Variants in KICS2 observed in about 807,000 individuals in gnomAD.
KICS2 encodes KICSTOR complex protein C12orf66.
A neutral mutation model predicts 31.4 loss-of-function variants in KICS2; 13 were observed. The observed-to-expected ratio is 0.41, with a 90% confidence interval of 0.27 to 0.66. The LOEUF is 0.66. Among genes scored for constraint, KICS2 ranks in the 30% least tolerant of loss-of-function variants. The probability of loss-of-function intolerance (pLI) is 0.28; values close to 1 mark genes in which losing one functional copy is unlikely to be tolerated. For missense variants in KICS2, 455 were observed against 545.4 expected (o/e 0.83, Z 1.65); for synonymous variants, 209 against 214.8 (o/e 0.97, Z 0.24).
Position 64,193,516 on chromosome 12 carries a change from A to G in KICS2, c.*326T>C. 9.3e-7 allele frequency: 1 copy of G among 1,071,042 alleles called. No homozygotes were observed. Among genetic ancestry groups the G allele is most frequent in the Non-Finnish European group, 1.1e-6 (1 of 885,038 alleles). 66.3% of individuals were successfully genotyped at this position (1,071,042 alleles called of 1,614,324 possible). A position where few individuals can be genotyped will look rare whatever the true frequency, so the allele number is the denominator to read the frequency against. ...ATTGCAGTAGAACACAATGTTTAGA[A>G]CAACAGAAAAACATATGGGAAAAAA... On this transcript the variant is annotated 3_prime_UTR_variant, in exon 3 of 3. Coordinates refer to ENST00000398055, the MANE Select transcript of KICS2 (RefSeq NM_152440.5).
downstream of KICS2, among the ~76,000 whole-genome samples, chr12:64,190,162 AAGAG>A (rs1159640937): frequency 7.2e-5 from 11 of 152,194 alleles, no homozygotes; most frequent in Non-Finnish European, 2.9e-5. Context: ...CACAGAATTG[AAGAG>A]AAAGAAAAGA....
downstream of KICS2, among the ~76,000 whole-genome samples, chr12:64,189,636 T>C (rs745465324): frequency 6.6e-6 from 1 of 151,872 alleles, no homozygotes; most frequent in Non-Finnish European, 1.5e-5. Context: ...AATACAAAGA[T>C]ATAAATAAGT....
chr12:64,204,981 C>T (rs182792791), intron 2 of KICS2: 1 of 152,256 alleles, frequency 6.6e-6, no homozygotes, highest in Non-Finnish European at 1.5e-5. Context: ...TGTAAGAAAG[C>T]CTCCTACCAC....
chr12:64,209,600 G>C (rs2037566870), intron 2 of KICS2, among the ~76,000 whole-genome samples: 1 of 152,096 alleles, frequency 6.6e-6, no homozygotes, highest in Non-Finnish European at 1.5e-5. Context: ...AATAAAAAAA[G>C]TTATAAATTT....
intron 2 of KICS2, among the ~76,000 whole-genome samples, chr12:64,212,880 A>G (rs2037594525): frequency 6.6e-6 from 1 of 152,122 alleles, no homozygotes; most frequent in African/African-American, 2.4e-5. Context: ...GCTTCAGCTC[A>G]GGAGTTTGAG....
In KICS2 at chr12:64,222,035, T is replaced by C. The variant is rs1461681492; in HGVS notation, c.203A>G (p.Tyr68Cys). The change falls in exon 1 of 3, where the codon TAT becomes TGT. Residue 68 changes from tyrosine to cysteine, a missense_variant. Physicochemically the swap from Tyr to Cys is radical, Grantham distance 194 (BLOSUM62 -2). Transcript: ENST00000398055. ...LAHLAAAEKV[Y>C]HSLTYLGQKL... Reference sequence around the variant, plus strand: ...CTGCCCCAGGTAGGTGAGGCTGTGATAGACCTTCTCGGCCGCGGCCAGGTG... The same window carrying C: ...CTGCCCCAGGTAGGTGAGGCTGTGACAGACCTTCTCGGCCGCGGCCAGGTG... 1 of 1,613,632 alleles carries C rather than the reference T, an allele frequency of 6.2e-7. No homozygotes were observed. Among genetic ancestry groups the C allele is most frequent in the Non-Finnish European group, 8.5e-7 (1 of 1,179,912 alleles).
chr12:64,198,884 C>G (rs2136691945), intron 2 of KICS2, among the ~76,000 whole-genome samples: 1 of 151,704 alleles, frequency 6.6e-6, no homozygotes, highest in East Asian at 1.9e-4. Context: ...CACATACACT[C>G]TCCCAAGACT....
chr12:64,204,384 T>A (rs1002755090), intron 2 of KICS2, among the ~76,000 whole-genome samples: 1 of 152,112 alleles, frequency 6.6e-6, no homozygotes, highest in African/African-American at 2.4e-5. Flanking sequence ...AGTAAAAAAA[T>A]ATATAAATAC....
intron 2 of KICS2, among the ~76,000 whole-genome samples, chr12:64,195,614 G>A (rs1013845279): frequency 3.3e-5 from 5 of 152,202 alleles, no homozygotes; most frequent in Non-Finnish European, 7.3e-5. Context: ...TGGCCGAATA[G>A]GAACAGCTCC....
chr12:64,191,666 T>C lies in KICS2; in HGVS notation c.*2176A>G, dbSNP rs2037379759. Reference sequence around the variant, plus strand: ...AATTTCTTAGGTAAGGTCAATGTTGTAAAATCTGCTGAGACTTTTTTTATA... The same window carrying C: ...AATTTCTTAGGTAAGGTCAATGTTGCAAAATCTGCTGAGACTTTTTTTATA... On this transcript the variant is annotated 3_prime_UTR_variant, in exon 3 of 3. Coordinates refer to ENST00000398055, the MANE Select transcript of KICS2 (RefSeq NM_152440.5). 6.6e-6 allele frequency: 1 copy of C among 152,240 alleles called. No homozygotes were observed. Among genetic ancestry groups the C allele is most frequent in the South Asian group, 2.1e-4 (1 of 4,832 alleles). 9.4% of individuals were successfully genotyped at this position (152,240 alleles called of 1,614,324 possible). A position where few individuals can be genotyped will look rare whatever the true frequency, so the allele number is the denominator to read the frequency against.
chr12:64,213,575 C>T (rs968205995), intron 2 of KICS2, among the ~76,000 whole-genome samples: 3 of 152,152 alleles, frequency 2.0e-5, no homozygotes, highest in Admixed American at 1.3e-4. Flanking sequence ...CCACCTCCCC[C>T]CCTTTTCCTA....
intron 2 of KICS2, among the ~76,000 whole-genome samples, chr12:64,203,139 A>G (rs2037506248): frequency 6.6e-6 from 1 of 152,166 alleles, no homozygotes; most frequent in East Asian, 1.9e-4. Flanking sequence ...TGCCTCCTCT[A>G]TTCGCTCCTT....
downstream of KICS2, chr12:64,187,007 A>G (rs965335984): frequency 6.6e-6 from 1 of 152,336 alleles, no homozygotes; most frequent in South Asian, 2.1e-4. Flanking sequence ...TTGTCATAAC[A>G]AAAGTGAAAT....
downstream of KICS2, among the ~76,000 whole-genome samples, chr12:64,190,415 A>G (rs908560638): frequency 6.6e-6 from 1 of 152,136 alleles, no homozygotes; most frequent in African/African-American, 2.4e-5. Context: ...AAAAGGGTGG[A>G]CATTCACCTG....
chr12:64,209,718 A>G (rs143159933), intron 2 of KICS2, among the ~76,000 whole-genome samples: 25 of 152,358 alleles, frequency 1.6e-4, no homozygotes, highest in African/African-American at 6.0e-4. Flanking sequence ...CAGACTAGAC[A>G]CTGCAATAAC....
chr12:64,193,735 C>T lies in KICS2; in HGVS notation c.*107G>A. 1 of 1,451,742 alleles carries T rather than the reference C, an allele frequency of 6.9e-7. No individual in the cohort carries two copies. Among genetic ancestry groups the T allele is most frequent in the Non-Finnish European group, 9.0e-7 (1 of 1,105,168 alleles). 89.9% of individuals were successfully genotyped at this position (1,451,742 alleles called of 1,614,324 possible). ...GGGAGGATTTGTCTTTAATTTAGTT[C>T]TGAAAGAGGCATGAATGGATGTAAA... On this transcript the variant is annotated 3_prime_UTR_variant, in exon 3 of 3. Transcript: ENST00000398055.
At chr12:64,207,821 T>C (rs925373380) in intron 2 of KICS2, among the ~76,000 whole-genome samples, 7 of 152,316 alleles carry the variant, frequency 4.6e-5, no homozygotes, top group Admixed American at 6.5e-5. Context: ...TGCAGACTTA[T>C]TGTGGCAATA....
At chr12:64,217,971 T>C (rs771935898) in intron 1 of KICS2, among the ~76,000 whole-genome samples, 1 of 152,228 alleles carries the variant, frequency 6.6e-6, no homozygotes, top group Non-Finnish European at 1.5e-5. Flanking sequence ...TATGAATTTG[T>C]GTTGGGCCGC....
chr12:64,193,683 T>G lies in KICS2; in HGVS notation c.*159A>C. 4.2e-6 allele frequency: 6 copies of G among 1,429,780 alleles called. No homozygotes were observed. Among genetic ancestry groups the G allele is most frequent in the Non-Finnish European group, 4.6e-6 (5 of 1,097,364 alleles). 88.6% of individuals were successfully genotyped at this position (1,429,780 alleles called of 1,614,324 possible). A position where few individuals can be genotyped will look rare whatever the true frequency, so the allele number is the denominator to read the frequency against. ...CTTTGGAAACTTAATTCAATTGGCC[T>G]TAATTGCTTATAAAGTGTGCAACAC... On this transcript the variant is annotated 3_prime_UTR_variant, in exon 3 of 3. Coordinates refer to ENST00000398055, the MANE Select transcript of KICS2 (RefSeq NM_152440.5).
Sources: gnomAD v4.1 joint callset for allele counts (sites outside exome capture counted in the v4.1 genomes callset) on GRCh38, gnomAD v4.1.1 for gene constraint, MANE v1.5 for transcripts, NCBI Gene and HGNC (gene_info 2026-07-23, HGNC 2026-07-21) for gene names.